Variants in ARF4 observed in about 807,000 individuals in gnomAD.
ARF4 encodes the protein ADP-ribosylation factor 4.
In ARF4, 5 loss-of-function variants were observed where a neutral mutation model predicts 24.3. That is an observed-to-expected ratio of 0.21 (90% CI 0.11 to 0.43). ARF4 has a LOEUF of 0.43. Ranked by LOEUF, ARF4 falls within the 20% of genes least tolerant of loss-of-function variation. ARF4 has a pLI of 1.00. For missense variants in ARF4, 107 were observed against 213.0 expected, an observed-to-expected ratio of 0.50 and a Z score of 3.10; for synonymous variants, 62 against 73.5, an observed-to-expected ratio of 0.84 and a Z score of 0.80.
intron 1 of ARF4, among the ~76,000 whole-genome samples, chr3:57,595,377 A>G (rs1285432183): frequency 6.6e-6 from 1 of 152,208 alleles, no homozygotes. Context: ...AAGTCCTCCC[A>G]TTAACTTCCG....
intron 5 of ARF4, 66 bp from the exon 6 acceptor site, chr3:57,572,364 T>G: frequency 8.2e-7 from 1 of 1,225,836 alleles, no homozygotes; most frequent in East Asian, 2.3e-5. Context: ...TGTTTAAACT[T>G]TCTTAATCAA....
chr3:57,584,062 T>G, intron 2 of ARF4, 55 bp from the exon 3 acceptor site: 1 of 1,209,652 alleles, frequency 8.3e-7, no homozygotes, highest in Non-Finnish European at 1.2e-6. Flanking sequence ...AAATAAAACC[T>G]TTTATTGTGG....
intron 1 of ARF4, among the ~76,000 whole-genome samples, chr3:57,592,929 G>T (rs941034634): frequency 1.2e-4 from 18 of 152,152 alleles, no homozygotes; most frequent in African/African-American, 4.3e-4. Flanking sequence ...CGTGTACCAG[G>T]TGTGGTGGCT....
intron 3 of ARF4, among the ~76,000 whole-genome samples, chr3:57,578,832 G>A (rs2069936875): frequency 6.6e-6 from 1 of 151,190 alleles, no homozygotes; most frequent in African/African-American, 2.4e-5. Flanking sequence ...GAAGCAACTA[G>A]TTGAACTGTT....
At chr3:57,593,801 C>A (rs1343138987) in intron 1 of ARF4, among the ~76,000 whole-genome samples, 1 of 152,006 alleles carries the variant, frequency 6.6e-6, no homozygotes, top group Non-Finnish European at 1.5e-5. Flanking sequence ...TTTTCGAGGC[C>A]GAGGTGGGCG....
At chr3:57,592,656 T>C (rs886743499) in intron 1 of ARF4, among the ~76,000 whole-genome samples, 4 of 152,156 alleles carry the variant, frequency 2.6e-5, no homozygotes, top group Admixed American at 2.6e-4. Context: ...CGACAGCCTA[T>C]TGCACTACTA....
intron 1 of ARF4, among the ~76,000 whole-genome samples, chr3:57,594,967 AGT>A (rs1422849963): frequency 1.3e-5 from 2 of 152,208 alleles, no homozygotes; most frequent in African/African-American, 2.4e-5. Context: ...TTGTGACTGA[AGT>A]GTTTTTTAGT....
intron 5 of ARF4, among the ~76,000 whole-genome samples, chr3:57,574,379 C>T (rs2069878463): frequency 6.6e-6 from 1 of 150,630 alleles, no homozygotes; most frequent in South Asian, 2.1e-4. Context: ...AATCACTGAT[C>T]AATGATAAGC....
chr3:57,584,000 A>G lies in ARF4; in HGVS notation c.156T>C (p.Asn52=). ...TGTTCTTATATTCTACTGTTTCCAC[A>G]TTAAAACCTACAAAGAAAAACAAAA... ...IVTTIPTIGF[N]VETVEYKNIC... The change falls in exon 3 of 6, where the codon AAT becomes AAC. Residue 52 remains asparagine, a synonymous_variant. Transcript: ENST00000303436. 2 of 1,606,334 alleles carry G rather than the reference A, an allele frequency of 1.2e-6. No homozygotes were observed. The highest frequency in any genetic ancestry group is 1.7e-6 in the Non-Finnish European group (2 of 1,174,110).
intron 5 of ARF4, 133 bp downstream of exon 5, chr3:57,575,415 T>C: frequency 1.1e-6 from 1 of 897,140 alleles, no homozygotes; most frequent in African/African-American, 1.7e-5. Context: ...TTTATTACCA[T>C]ATTTTTAAAT....
intron 3 of ARF4, among the ~76,000 whole-genome samples, chr3:57,578,919 A>G (rs1006903783): frequency 8.5e-5 from 13 of 152,194 alleles, no homozygotes; most frequent in African/African-American, 3.1e-4. Context: ...AAATAATAAA[A>G]AAGAAAAAAA....
Position 57,596,990 on chromosome 3 carries a change from GGAA to G in ARF4, c.67+81_67+83del, listed in dbSNP as rs1182290974. On this transcript the variant is annotated intron_variant, in intron 1 of 5. Transcript: ENST00000303436. The stretch of plus-strand genomic sequence containing the variant: ...CCCCTCCCCCACCACAGCGGGCGGA[GGAA>G]AAAAACAGGCCCAGAGGCCACCCCA... 8 of 1,447,110 alleles carry G rather than the reference GGAA, an allele frequency of 5.5e-6. No individual in the cohort carries two copies. In the East Asian group the frequency reaches 1.7e-4, roughly 30 times the overall value. 89.6% of individuals were successfully genotyped at this position (1,447,110 alleles called of 1,614,324 possible).
intron 3 of ARF4, 85 bp from the exon 4 acceptor site, chr3:57,577,472 G>T: frequency 3.0e-6 from 3 of 1,007,888 alleles, no homozygotes; most frequent in Non-Finnish European, 4.6e-6. Flanking sequence ...TGGTACCAAT[G>T]GTTAGACATT....
chr3:57,597,267 GCA>G lies in ARF4; in HGVS notation c.-129_-128del. On this transcript the variant is annotated 5_prime_UTR_variant, in exon 1 of 6. Transcript: ENST00000303436. ...AAAGAGCGGAGGAAGAAAGAGGGAG[GCA>G]GAAACGTCTCAGTGGCCCCTGTGCC... 2.2e-6 allele frequency: 2 copies of G among 908,850 alleles called. No homozygotes were observed. The highest frequency in any genetic ancestry group is 3.4e-6 in the Non-Finnish European group (2 of 583,480). 56.3% of individuals were successfully genotyped at this position (908,850 alleles called of 1,614,324 possible).
At position 57,572,094 on chromosome 3, in the gene ARF4, A is replaced by G; in HGVS notation, c.*118T>C. On this transcript the variant is annotated 3_prime_UTR_variant, in exon 6 of 6. Transcript: ENST00000303436. ...AATAATTGGCAACAAAATAAGTTTA[A>G]TATTCTGCCCAAACCAGTCCCAGAT... is the stretch of plus-strand genomic sequence containing the variant. 1 of 731,142 alleles carries G rather than the reference A, an allele frequency of 1.4e-6. No individual in the cohort carries two copies. The highest frequency in any genetic ancestry group is 2.4e-6 in the Non-Finnish European group (1 of 425,332). 45.3% of individuals were successfully genotyped at this position (731,142 alleles called of 1,614,324 possible).
chr3:57,588,402 G>A (rs2070064680), intron 1 of ARF4, among the ~76,000 whole-genome samples: 1 of 152,146 alleles, frequency 6.6e-6, no homozygotes, highest in African/African-American at 2.4e-5. Flanking sequence ...CATCTTTAAA[G>A]AAGAAAAAGT....
At chr3:57,573,284 A>G (rs1330212397) in intron 5 of ARF4, among the ~76,000 whole-genome samples, 1 of 152,024 alleles carries the variant, frequency 6.6e-6, no homozygotes, top group Non-Finnish European at 1.5e-5. Flanking sequence ...CACCATCTTT[A>G]GTCTCATGCA....
chr3:57,590,682 A>G (rs1475076902), intron 1 of ARF4, among the ~76,000 whole-genome samples: 2 of 152,146 alleles, frequency 1.3e-5, no homozygotes, highest in Middle Eastern at 3.4e-3. Context: ...GTACATATAT[A>G]TACATTTGTT....
intron 1 of ARF4, among the ~76,000 whole-genome samples, chr3:57,585,727 A>G (rs543962962): frequency 7.6e-4 from 114 of 149,712 alleles, no homozygotes; most frequent in East Asian, 2.6e-3. Flanking sequence ...CAATGGTGCA[A>G]TATCAGCTCA....
Sources: allele counts gnomAD v4.1 joint callset (sites outside exome capture counted in the v4.1 genomes callset), GRCh38; gene constraint gnomAD v4.1.1; transcripts MANE v1.5; gene names NCBI Gene and HGNC (gene_info 2026-07-23, HGNC 2026-07-21).